The following NAALADL2 variants were observed in gnomAD, a reference collection of about 807,000 sequenced individuals.
The protein encoded by NAALADL2 is N-acetylated alpha-linked acidic dipeptidase like 2, also known as inactive N-acetylated-alpha-linked acidic dipeptidase-like protein 2.
Under a neutral mutation model 87.2 loss-of-function variants are expected in NAALADL2, and 76 were observed. That is an observed-to-expected ratio of 0.87 (90% CI 0.72 to 1.05). The LOEUF is 1.05. Ranked by LOEUF, NAALADL2 falls within the 50% of genes least tolerant of loss-of-function variation. The pLI is 0.00. For missense variants in NAALADL2, 1,089 were observed against 945.8 expected (o/e 1.15, Z -1.99); for synonymous variants, 354 against 331.0 (o/e 1.07, Z -0.75).
At chr3:174,964,969 A>C (rs1312578558) in intron 1 of NAALADL2, among the ~76,000 whole-genome samples, 1 of 152,016 alleles carries the variant, frequency 6.6e-6, no homozygotes, top group Admixed American at 6.6e-5. Flanking sequence ...TGTATTACTT[A>C]TGTATTGCTA....
In NAALADL2 at chr3:175,164,630, A is replaced by T. The variant is rs1005656586; in HGVS notation, c.545+67339A>T. On this transcript the variant is annotated intron_variant, in intron 2 of 13. Coordinates refer to ENST00000454872, the MANE Select transcript of NAALADL2 (RefSeq NM_207015.3). ...GTTTGAATAATATTGGTCACTCTGG[A>T]TAGAAAAATATTAACTGGGAAGAGT... Among the ~76,000 whole-genome samples, 4 of 152,284 alleles carry T rather than the reference A, an allele frequency of 2.6e-5. No individual in the cohort carries two copies. The East Asian group carries it at 7.7e-4, about 29-fold the overall frequency.
chr3:174,550,129 A>C (rs1711946413), intron 1 of NAALADL2, among the ~76,000 whole-genome samples: 2 of 152,080 alleles, frequency 1.3e-5, no homozygotes. Context: ...ATGAAAAGCA[A>C]TCCAATTGTT....
intron 3 of NAALADL2, among the ~76,000 whole-genome samples, chr3:174,844,095 C>G (rs1012820347): frequency 6.9e-4 from 105 of 152,212 alleles, no homozygotes; most frequent in African/African-American, 2.4e-3. Context: ...TTTGCCCAGC[C>G]CCAATGTTGT....
chr3:175,294,252 G>A (rs551374964), intron 4 of NAALADL2, among the ~76,000 whole-genome samples: 92 of 152,160 alleles, frequency 6.0e-4, no homozygotes, highest in Non-Finnish European at 1.1e-3. Flanking sequence ...CAAGTTTGTT[G>A]TTCTTCTATT....
chr3:175,136,546 T>C (rs1194429614), intron 2 of NAALADL2, among the ~76,000 whole-genome samples: 2 of 152,180 alleles, frequency 1.3e-5, no homozygotes, highest in Non-Finnish European at 2.9e-5. Flanking sequence ...ACTATGTATT[T>C]GTTCCTCTTT....
intron 11 of NAALADL2, among the ~76,000 whole-genome samples, chr3:175,656,761 C>T (rs948618470): frequency 2.6e-5 from 4 of 151,036 alleles, no homozygotes; most frequent in East Asian, 3.9e-4. Flanking sequence ...GTGCAGGGGG[C>T]GAGGGGGAGT....
intron 5 of NAALADL2, among the ~76,000 whole-genome samples, chr3:175,324,595 T>G (rs1193753066): frequency 6.6e-6 from 1 of 152,190 alleles, no homozygotes; most frequent in Non-Finnish European, 1.5e-5. Flanking sequence ...TTATTGTTGA[T>G]TGACTGATAA....
intron 2 of NAALADL2, among the ~76,000 whole-genome samples, chr3:175,135,295 G>C (rs571668202): frequency 6.6e-6 from 1 of 152,078 alleles, no homozygotes; most frequent in South Asian, 2.1e-4. Context: ...TAATATACGT[G>C]CCAAGAAAAG....
At chr3:175,538,181 T>A (rs1388529132) in intron 9 of NAALADL2, among the ~76,000 whole-genome samples, 2 of 152,138 alleles carry the variant, frequency 1.3e-5, no homozygotes, top group Admixed American at 6.5e-5. Context: ...ATAGACAGAA[T>A]GTCCAAATTT....
intron 1 of NAALADL2, among the ~76,000 whole-genome samples, chr3:174,521,105 T>C (rs962002518): frequency 1.3e-5 from 2 of 152,190 alleles, no homozygotes; most frequent in African/African-American, 4.8e-5. Context: ...AGTGTGGAGA[T>C]GTCTCAAAGA....
At chr3:175,062,510 G>C (rs892307218) in intron 1 of NAALADL2, among the ~76,000 whole-genome samples, 2 of 148,138 alleles carry the variant, frequency 1.4e-5, no homozygotes, top group Admixed American at 1.3e-4. Context: ...GTGTGTGTGT[G>C]TGTGTGTGTG....
At chr3:175,203,647 C>T (rs1740399115) in intron 2 of NAALADL2, among the ~76,000 whole-genome samples, 1 of 152,142 alleles carries the variant, frequency 6.6e-6, no homozygotes, top group South Asian at 2.1e-4. Context: ...CTAGTCCTGC[C>T]TCCTGTCCAC....
At chr3:175,051,069 G>A (rs1284460369) in intron 1 of NAALADL2, among the ~76,000 whole-genome samples, 1 of 152,148 alleles carries the variant, frequency 6.6e-6, no homozygotes, top group East Asian at 1.9e-4. Flanking sequence ...AACCAGGGAT[G>A]TAAACTCCTC....
intron 2 of NAALADL2, among the ~76,000 whole-genome samples, chr3:174,559,331 A>G (rs1713280302): frequency 6.6e-6 from 1 of 152,126 alleles, no homozygotes. Flanking sequence ...CCACCATACC[A>G]TTGTGAAAGA....
intron 5 of NAALADL2, among the ~76,000 whole-genome samples, chr3:175,336,779 C>T (rs1362262848): frequency 6.6e-6 from 1 of 152,150 alleles, no homozygotes; most frequent in South Asian, 2.1e-4. Context: ...CAGTTCATTG[C>T]TAACCATGTT....
At chr3:175,337,471 C>G (rs1399031591) in intron 5 of NAALADL2, among the ~76,000 whole-genome samples, 1 of 152,014 alleles carries the variant, frequency 6.6e-6, no homozygotes, top group Non-Finnish European at 1.5e-5. Context: ...CCCAATCAAC[C>G]ATGACTGGTG....
At chr3:174,516,167 G>A (rs923517782) in intron 1 of NAALADL2, among the ~76,000 whole-genome samples, 1 of 152,006 alleles carries the variant, frequency 6.6e-6, no homozygotes, top group African/African-American at 2.4e-5. Context: ...TGTTCCCAGA[G>A]CAAGCACTTC....
intron 2 of NAALADL2, among the ~76,000 whole-genome samples, chr3:174,687,915 C>T (rs1728195620): frequency 1.3e-5 from 2 of 152,062 alleles, no homozygotes; most frequent in African/African-American, 2.4e-5. Context: ...ATAAGACGTG[C>T]CTTTGCTACT....
chr3:175,223,845 AAG>A (rs1451052455), intron 2 of NAALADL2, among the ~76,000 whole-genome samples: 1 of 152,184 alleles, frequency 6.6e-6, no homozygotes, highest in African/African-American at 2.4e-5. Context: ...TTAGGAAAGA[AAG>A]AGAAGAAGGG....
Sources: allele counts gnomAD v4.1 joint callset (sites outside exome capture counted in the v4.1 genomes callset), GRCh38; gene constraint gnomAD v4.1.1; transcripts MANE v1.5; gene names NCBI Gene and HGNC (gene_info 2026-07-23, HGNC 2026-07-21).